Variants in MAF observed in about 807,000 individuals in gnomAD.
MAF encodes the protein MAF bZIP transcription factor, also known as transcription factor Maf.
In MAF, 10 loss-of-function variants were observed where a neutral mutation model predicts 22.0. The ratio of observed to expected loss-of-function variants is 0.45; its 90% CI spans 0.28 to 0.77. The LOEUF is 0.77. MAF is among the 30% of genes least tolerant of loss of function. The pLI is 0.12. For synonymous variants in MAF, 337 were observed against 255.8 expected, an observed-to-expected ratio of 1.32 and a Z score of -3.03; for missense variants, 544 against 548.4, an observed-to-expected ratio of 0.99 and a Z score of 0.08.
At chr16:79,271,617 C>T in the MAF span, among the ~76,000 whole-genome samples, 2 of 152,142 alleles carry the variant, frequency 1.3e-5, no homozygotes, top group African/African-American at 2.4e-5. Context: ...CTCTCAGATA[C>T]AAGTCTGTTG....
the MAF span, among the ~76,000 whole-genome samples, chr16:79,222,876 T>C: frequency 1.3e-5 from 2 of 152,300 alleles, no homozygotes; most frequent in Middle Eastern, 3.4e-3. Context: ...AAGCAAGTTC[T>C]TAAAGACCTA....
the MAF span, among the ~76,000 whole-genome samples, chr16:79,353,371 C>T: frequency 1.3e-5 from 2 of 152,132 alleles, no homozygotes; most frequent in South Asian, 2.1e-4. Flanking sequence ...TCAAGTGATC[C>T]GCCTGCCTCG....
chr16:79,496,187 T>C, the MAF span, among the ~76,000 whole-genome samples: 4 of 152,144 alleles, frequency 2.6e-5, no homozygotes, highest in Admixed American at 2.6e-4. Flanking sequence ...AGCTAACTAG[T>C]ACGTGTCATG....
At chr16:79,229,235 G>C in the MAF span, 2 of 151,528 alleles carry the variant, frequency 1.3e-5, no homozygotes, top group African/African-American at 4.8e-5. Context: ...TCATCTCCAG[G>C]CCAGAAAAGC....
At chr16:79,218,632 A>T in the MAF span, among the ~76,000 whole-genome samples, 2 of 152,196 alleles carry the variant, frequency 1.3e-5, no homozygotes, top group Non-Finnish European at 2.9e-5. Flanking sequence ...ACATTGTCAC[A>T]ACCTGTAACT....
chr16:79,599,373 G>A lies in MAF; in HGVS notation c.530C>T (p.Ala177Val), dbSNP rs1913841711. 6 of 1,001,424 alleles carry A rather than the reference G, an allele frequency of 6.0e-6. No homozygotes were observed. In the South Asian group the frequency reaches 1.8e-4, roughly 30 times the overall value. 62.0% of individuals were successfully genotyped at this position (1,001,424 alleles called of 1,614,324 possible). Residue 177 changes from alanine (A) to valine (V), a missense_variant, in exon 1 of 2, where the codon GCG (alanine) becomes GTG (valine). Coordinates refer to ENST00000326043, the MANE Select transcript of MAF (RefSeq NM_005360.5). ...GTGGTGGTGGTGGTAGTGCGGGCCCGCGCCGCTCTGCGCGGCGGCCGCGGC... is the reference window on the plus strand; with the variant it reads ...GTGGTGGTGGTGGTAGTGCGGGCCCACGCCGCTCTGCGCGGCGGCCGCGGC... Reference protein sequence around the residue: ...VIAAAAAQSGAGPHYHHHHHH... With the variant: ...VIAAAAAQSGVGPHYHHHHHH...
At chr16:79,321,793 G>A in the MAF span, among the ~76,000 whole-genome samples, 4 of 151,802 alleles carry the variant, frequency 2.6e-5, no homozygotes, top group African/African-American at 9.7e-5. Flanking sequence ...TGCGACTACA[G>A]GTGCCCACCA....
the MAF span, among the ~76,000 whole-genome samples, chr16:79,571,878 C>G: frequency 6.6e-5 from 10 of 152,164 alleles, no homozygotes; most frequent in Non-Finnish European, 1.0e-4. Flanking sequence ...GCTTCCAGGA[C>G]TTCCCCCAAG....
At chr16:79,571,677 G>T in the MAF span, among the ~76,000 whole-genome samples, 1 of 151,728 alleles carries the variant, frequency 6.6e-6, no homozygotes, top group Non-Finnish European at 1.5e-5. Flanking sequence ...TCTATCCTCT[G>T]CTCTCCTAGG....
the MAF span, among the ~76,000 whole-genome samples, chr16:79,308,722 G>C: frequency 6.6e-6 from 1 of 152,164 alleles, no homozygotes; most frequent in Non-Finnish European, 1.5e-5. Flanking sequence ...TGAGTTTTAA[G>C]AGTGACAACT....
At chr16:79,469,830 C>T in the MAF span, among the ~76,000 whole-genome samples, 1 of 152,064 alleles carries the variant, frequency 6.6e-6, no homozygotes, top group Non-Finnish European at 1.5e-5. Flanking sequence ...CTCCTGACCT[C>T]GTGATCCACC....
At chr16:79,262,380 T>C in the MAF span, among the ~76,000 whole-genome samples, 250 of 152,204 alleles carry the variant, frequency 1.6e-3, no homozygotes, top group Middle Eastern at 0.014. Context: ...CAATAGAAAA[T>C]GTAGACAAAG....
At chr16:79,315,229 G>A in the MAF span, among the ~76,000 whole-genome samples, 4 of 152,064 alleles carry the variant, frequency 2.6e-5, no homozygotes, top group Non-Finnish European at 5.9e-5. Context: ...GAAGAGCCAG[G>A]CAATAACACA....
chr16:79,208,662 C>A, the MAF span, among the ~76,000 whole-genome samples: 1 of 145,782 alleles, frequency 6.9e-6, no homozygotes, highest in Non-Finnish European at 1.5e-5. Flanking sequence ...AGAATGCTTT[C>A]TCTTTTATTG....
the MAF span, among the ~76,000 whole-genome samples, chr16:79,336,667 T>A: frequency 6.6e-6 from 1 of 152,206 alleles, no homozygotes; most frequent in African/African-American, 2.4e-5. Context: ...TGGCCCAAGG[T>A]CACAAAGCTG....
At chr16:79,582,586 G>A (rs530697249), downstream of MAF, among the ~76,000 whole-genome samples, 5 of 152,278 alleles carry the variant, frequency 3.3e-5, no homozygotes, top group South Asian at 8.3e-4. Flanking sequence ...AAAGAAAAAC[G>A]TTAGCCAGGC....
chr16:79,256,622 T>A, the MAF span, among the ~76,000 whole-genome samples: 5 of 152,264 alleles, frequency 3.3e-5, no homozygotes, highest in South Asian at 8.3e-4. Context: ...ACCATGGACA[T>A]AGATCTTTGG....
At chr16:79,261,444 C>G in the MAF span, among the ~76,000 whole-genome samples, 3 of 152,236 alleles carry the variant, frequency 2.0e-5, no homozygotes, top group African/African-American at 7.2e-5. Context: ...TGAGCCACCA[C>G]GCCTGGCTGG....
chr16:79,292,984 G>T, the MAF span, among the ~76,000 whole-genome samples: 1 of 152,154 alleles, frequency 6.6e-6, no homozygotes, highest in Non-Finnish European at 1.5e-5. Context: ...CCCTTTGCCA[G>T]AAAACTCATG....
Sources: allele counts gnomAD v4.1 joint callset (sites outside exome capture counted in the v4.1 genomes callset), GRCh38; gene constraint gnomAD v4.1.1; transcripts MANE v1.5; gene names NCBI Gene and HGNC (gene_info 2026-07-23, HGNC 2026-07-21).